Variants in NSMAF observed in about 807,000 individuals in gnomAD.
NSMAF encodes the protein neutral sphingomyelinase activation associated factor.
In NSMAF, 90 loss-of-function variants were observed where a neutral mutation model predicts 134.9. The observed-to-expected ratio is 0.67, with a 90% CI of 0.56 to 0.79. NSMAF has a LOEUF of 0.79. Among genes scored for constraint, NSMAF ranks in the 30% least tolerant of loss-of-function variants. NSMAF has a pLI of 0.00. For missense variants in NSMAF, 1,010 were observed against 1,119.0 expected, an observed-to-expected ratio of 0.90 and a Z score of 1.39; for synonymous variants, 358 against 389.6, an observed-to-expected ratio of 0.92 and a Z score of 0.96.
rs551902785 is a variant in NSMAF at position 58,604,669 on chromosome 8, T to G, written c.868+1258A>C. 3.3e-5 allele frequency among the ~76,000 whole-genome samples: 5 copies of G among 152,108 alleles called. No individual in the cohort carries two copies. The East Asian group carries it at 7.7e-4, about 23-fold the overall frequency. ...AGGGAAGATGTACTTTACTACAAAT[T>G]TCACAAATAGTTTTGTGGTACACTA... On this transcript the variant is annotated intron_variant, in intron 12 of 30. Transcript: ENST00000038176.
Position 58,586,542 on chromosome 8 carries a change from T to A in NSMAF, c.2362A>T (p.Asn788Tyr), listed in dbSNP as rs1441016031. The A allele has an allele frequency of 5.0e-6, 8 of 1,613,860 alleles. No homozygotes were observed. The highest frequency in any genetic ancestry group is 5.9e-6 in the Non-Finnish European group (7 of 1,179,908). Residue 788 changes from asparagine to tyrosine, a missense_variant, in exon 28 of 31, where the codon AAT becomes TAT. Physicochemically the swap from Asn to Tyr is moderately radical, Grantham distance 143 (BLOSUM62 -2). Coordinates refer to ENST00000038176, the MANE Select transcript of NSMAF (RefSeq NM_003580.4). ...GTGGCCGTTGTGAGGTCCCAAATAT[T>A]CACTGTGCCTTCTTTGGTGCCGGAA... ...LVSGTKEGTVNIWDLTTATLM... is the reference protein window; with the variant it reads ...LVSGTKEGTVYIWDLTTATLM...
At chr8:58,591,042 C>T (rs1806010146) in intron 23 of NSMAF, 108 bp from the exon 24 acceptor site, 1 of 1,270,360 alleles carries the variant, frequency 7.9e-7, no homozygotes, top group South Asian at 1.4e-5. Context: ...ACACTTTATA[C>T]TCCAAAGTAT....
At chr8:58,632,801 A>G (rs1585754383) in intron 5 of NSMAF, among the ~76,000 whole-genome samples, 1 of 152,080 alleles carries the variant, frequency 6.6e-6, no homozygotes, top group African/African-American at 2.4e-5. Context: ...TCTCATGGCC[A>G]TCTTAAATCT....
At chr8:58,589,204 ATATTT>A (rs1159878023) in intron 26 of NSMAF, among the ~76,000 whole-genome samples, 1 of 147,840 alleles carries the variant, frequency 6.8e-6, no homozygotes, top group Non-Finnish European at 1.5e-5. Context: ...AACAGATATT[ATATTT>A]TAAATATAAA....
At chr8:58,637,038 ACACC>A (rs1407498360) in intron 2 of NSMAF, among the ~76,000 whole-genome samples, 2,219 of 139,958 alleles carry the variant, frequency 0.016, 51 homozygotes, top group African/African-American at 0.054. Flanking sequence ...ACACACACAC[ACACC>A]CACACACAAA....
At chr8:58,629,650 T>C (rs562164991) in intron 6 of NSMAF, among the ~76,000 whole-genome samples, 1 of 152,164 alleles carries the variant, frequency 6.6e-6, no homozygotes, top group East Asian at 1.9e-4. Flanking sequence ...CAAAAACAAT[T>C]ACCTCTCCAG....
At chr8:58,632,709 A>C (rs1249633938) in intron 5 of NSMAF, among the ~76,000 whole-genome samples, 1 of 152,156 alleles carries the variant, frequency 6.6e-6, no homozygotes, top group Non-Finnish European at 1.5e-5. Flanking sequence ...CCAGCTCCCC[A>C]GTATGTCTTG....
intron 25 of NSMAF, 76 bp from the exon 26 acceptor site, chr8:58,589,651 T>C: frequency 7.3e-7 from 1 of 1,377,290 alleles, no homozygotes; most frequent in Non-Finnish European, 9.8e-7. Flanking sequence ...TAAAGAAACA[T>C]TATGTTGTTT....
intron 13 of NSMAF, among the ~76,000 whole-genome samples, chr8:58,602,375 T>C (rs914206419): frequency 4.6e-5 from 7 of 152,174 alleles, no homozygotes; most frequent in Non-Finnish European, 8.8e-5. Context: ...GCCCTGAACA[T>C]TAATTTTTTT....
intron 2 of NSMAF, among the ~76,000 whole-genome samples, chr8:58,642,766 A>G (rs544463519): frequency 6.6e-6 from 1 of 152,346 alleles, no homozygotes; most frequent in South Asian, 2.1e-4. Flanking sequence ...AAAGATGAAA[A>G]AAACTTCATG....
chr8:58,605,429 T>G (rs1299965330), intron 12 of NSMAF, among the ~76,000 whole-genome samples: 1 of 152,192 alleles, frequency 6.6e-6, no homozygotes, highest in Non-Finnish European at 1.5e-5. Flanking sequence ...AATATTTGAG[T>G]GGATTCTTCA....
At chr8:58,617,611 A>ATACC (rs900544627) in intron 9 of NSMAF, among the ~76,000 whole-genome samples, 1 of 152,226 alleles carries the variant, frequency 6.6e-6, no homozygotes, top group Non-Finnish European at 1.5e-5. Context: ...CCACAACAAG[A>ATACC]TACCATCTCA....
chr8:58,598,490 CA>C (rs71250204), intron 19 of NSMAF, among the ~76,000 whole-genome samples: 8,234 of 122,998 alleles, frequency 0.067, 49 homozygotes, highest in East Asian at 0.099. Flanking sequence ...CTGTCTCAAA[CA>C]AAAAAAAAAA....
intron 9 of NSMAF, among the ~76,000 whole-genome samples, chr8:58,614,086 T>C (rs571130530): frequency 8.4e-4 from 128 of 152,194 alleles, no homozygotes; most frequent in Admixed American, 2.6e-3. Flanking sequence ...GTGCACCCTA[T>C]GATGTCCTCA....
At chr8:58,640,029 G>A (rs1489988865) in intron 2 of NSMAF, 4 of 454,262 alleles carry the variant, frequency 8.8e-6, no homozygotes, top group South Asian at 3.1e-5. Flanking sequence ...TAAACTTCAC[G>A]AAATTAAAGG....
rs1303613749 is a variant in NSMAF at position 58,584,061 on chromosome 8, G to C, written c.*45C>G. The C allele has an allele frequency of 5.0e-6, 7 of 1,399,118 alleles. No homozygotes were observed. Among genetic ancestry groups the C allele is most frequent in the Non-Finnish European group, 7.1e-6 (7 of 984,702 alleles). The allele number at this position is 1,399,118 out of a possible 1,614,324, so 86.7% of individuals were successfully genotyped here. A position where few individuals can be genotyped will look rare whatever the true frequency, so the allele number is the denominator to read the frequency against. ...CCGTTTAAAAGTTTGGTTTAAAAATGCATTAAATAGAGTTCAATTTAATAT... is the reference window on the plus strand; with the variant it reads ...CCGTTTAAAAGTTTGGTTTAAAAATCCATTAAATAGAGTTCAATTTAATAT... On this transcript the variant is annotated 3_prime_UTR_variant, in exon 31 of 31. Transcript: ENST00000038176.
At chr8:58,598,300 AGAT>A (rs1487699221) in intron 19 of NSMAF, among the ~76,000 whole-genome samples, 3 of 152,092 alleles carry the variant, frequency 2.0e-5, no homozygotes, top group Non-Finnish European at 4.4e-5. Flanking sequence ...ACGTGGAAGA[AGAT>A]AAGCATTGAA....
chr8:58,647,074 G>T (rs1807473053), intron 1 of NSMAF, among the ~76,000 whole-genome samples: 1 of 152,212 alleles, frequency 6.6e-6, no homozygotes, highest in African/African-American at 2.4e-5. Context: ...ATTTACAGTG[G>T]ATCCAGAAGG....
chr8:58,642,269 T>A (rs1233660659), intron 2 of NSMAF, among the ~76,000 whole-genome samples: 1 of 152,202 alleles, frequency 6.6e-6, no homozygotes, highest in Non-Finnish European at 1.5e-5. Context: ...TTAAGTAACC[T>A]CCCAAAAGGA....
Sources: gnomAD v4.1 joint callset for allele counts (sites outside exome capture counted in the v4.1 genomes callset) on GRCh38, gnomAD v4.1.1 for gene constraint, MANE v1.5 for transcripts, NCBI Gene and HGNC (gene_info 2026-07-23, HGNC 2026-07-21) for gene names.